ABCA8: variants seen among roughly 807,000 people sequenced by gnomAD.
The protein encoded by ABCA8 is ATP binding cassette subfamily A member 8, also known as ABC-type organic anion transporter ABCA8.
Under a neutral mutation model 192.3 loss-of-function variants are expected in ABCA8, and 177 were observed. That is an observed-to-expected ratio of 0.92 (90% CI 0.81 to 1.04). The LOEUF (loss-of-function observed/expected upper bound fraction) is 1.04. Among genes scored for constraint, ABCA8 ranks in the 50% least tolerant of loss-of-function variants. The probability of loss-of-function intolerance (pLI) is 0.00; values close to 1 mark genes in which losing one functional copy is unlikely to be tolerated. For synonymous variants in ABCA8, 642 were observed against 690.2 expected (o/e 0.93, Z 1.09); for missense variants, 1,915 against 1,904.8 (o/e 1.01, Z -0.10).
chr17:68,904,268 C>G (rs7210022), intron 19 of ABCA8, among the ~76,000 whole-genome samples: 123,216 of 148,676 alleles, frequency 0.83, 51,684 homozygotes, highest in East Asian at 1. Flanking sequence ...GGTGACAGAG[C>G]GAGACTCCAT....
intron 32 of ABCA8, chr17:68,880,762 A>C (rs2143286655): frequency 3.2e-6 from 1 of 308,834 alleles, no homozygotes. Context: ...CATCACCGCT[A>C]TGCACCTGGC....
chr17:68,898,236 A>T (rs1202279497), intron 21 of ABCA8, among the ~76,000 whole-genome samples: 1 of 152,216 alleles, frequency 6.6e-6, no homozygotes, highest in African/African-American at 2.4e-5. Context: ...TAGCTTTCAA[A>T]GATGAAGGTG....
Position 68,932,496 on chromosome 17 carries a change from C to T in ABCA8, c.589G>A (p.Val197Met), listed in dbSNP as rs768909279. ...GTAACTGACATCAGCTCCTCCATCACTGAGTGATTTGTTGTGATCTGAAGA... is the reference window on the plus strand; with the variant it reads ...GTAACTGACATCAGCTCCTCCATCATTGAGTGATTTGTTGTGATCTGAAGA... ...AIIEITTNHS[V>M]MEELMSVTGK... is the part of the protein sequence containing the mutation. The change falls in exon 7 of 40, where the codon GTG becomes ATG. Residue 197 changes from valine to methionine, a missense_variant. Val to Met is a conservative substitution (Grantham distance 21). Transcript: ENST00000586539. The T allele has an allele frequency of 5.6e-6, 9 of 1,613,150 alleles. No homozygotes were observed. In the Admixed American group the frequency reaches 6.7e-5, roughly 12 times the overall value.
intron 32 of ABCA8, 68 bp downstream of exon 32, chr17:68,881,052 T>C: frequency 1.8e-6 from 2 of 1,117,572 alleles, no homozygotes; most frequent in Middle Eastern, 2.7e-4. Flanking sequence ...TCTGTTGTTT[T>C]TAAGGTCATC....
intron 38 of ABCA8, 33 bp downstream of exon 38, chr17:68,869,667 T>C: frequency 7.3e-7 from 1 of 1,375,598 alleles, no homozygotes; most frequent in South Asian, 1.2e-5. Flanking sequence ...TTATCTTCTT[T>C]CCAGGGTCGT....
chr17:68,890,511 T>A (rs1477626721), intron 24 of ABCA8, among the ~76,000 whole-genome samples: 2 of 152,166 alleles, frequency 1.3e-5, no homozygotes, highest in African/African-American at 4.8e-5. Flanking sequence ...ATTTTATTTT[T>A]AAATTATTTA....
intron 13 of ABCA8, chr17:68,919,901 A>G: frequency 6.5e-6 from 1 of 154,234 alleles, no homozygotes; most frequent in Non-Finnish European, 1.4e-5. Context: ...GAGTGAGGCC[A>G]TGTTAAATCA....
In ABCA8 at chr17:68,929,665, T is replaced by C. The variant is rs2067804504; in HGVS notation, c.835A>G (p.Ile279Val). The change falls in exon 8 of 40, where the codon ATT (isoleucine) becomes GTT (valine). Residue 279 changes from isoleucine (I) to valine (V), a missense_variant. By Grantham distance (29) the Ile-to-Val change is conservative (BLOSUM62 3). Coordinates refer to ENST00000586539, the MANE Select transcript of ABCA8 (RefSeq NM_001288985.2). ...WGLLYAGFIF[I>V]MALFLALVIR... ...ACAAGTGCCAAGAAAAGGGCCATAATGAAGATGAAACCAGCATAGAGCAAA... is the reference window on the plus strand; with the variant it reads ...ACAAGTGCCAAGAAAAGGGCCATAACGAAGATGAAACCAGCATAGAGCAAA... 1 of 1,613,720 alleles carries C rather than the reference T, an allele frequency of 6.2e-7. No individual in the cohort carries two copies. The highest frequency in any genetic ancestry group is 8.5e-7 in the Non-Finnish European group (1 of 1,179,796).
In ABCA8 at chr17:68,906,015, A is replaced by G. The variant is rs771567514; in HGVS notation, c.2398+29T>C. On this transcript the variant is annotated intron_variant, in intron 19 of 39. Coordinates refer to ENST00000586539, the MANE Select transcript of ABCA8 (RefSeq NM_001288985.2). The stretch of plus-strand genomic sequence containing the variant: ...GTGTGTTCTTGAAATATGTGCTTTT[A>G]CATAATAATTTTCATGCATTTTATT... 3.3e-6 allele frequency: 5 copies of G among 1,534,886 alleles called. No individual in the cohort carries two copies. In the South Asian group the frequency reaches 6.4e-5, roughly 20 times the overall value.
At position 68,941,045 on chromosome 17, in the gene ABCA8, T is replaced by A. The variant is rs1029860793; in HGVS notation, c.97-83A>T. On this transcript the variant is annotated intron_variant, in intron 3 of 39. Coordinates refer to ENST00000586539, the MANE Select transcript of ABCA8 (RefSeq NM_001288985.2). Reference sequence around the variant, plus strand: ...ATCATTTTGTCATAAAGTTTGCCTCTTTTTTACTTTTCTAACTTCAATATA... The same window carrying A: ...ATCATTTTGTCATAAAGTTTGCCTCATTTTTACTTTTCTAACTTCAATATA... 3.5e-5 allele frequency: 39 copies of A among 1,116,506 alleles called. 1 individual carries two copies. In the Admixed American group the frequency reaches 8.2e-4, roughly 24 times the overall value. The allele number at this position is 1,116,506 out of a possible 1,614,324, so 69.2% of individuals were successfully genotyped here.
chr17:68,881,993 A>G lies in ABCA8; in HGVS notation c.3829-13T>C. On this transcript the variant is annotated splice_polypyrimidine_tract_variant and intron_variant, in intron 30 of 39. Coordinates refer to ENST00000586539, the MANE Select transcript of ABCA8 (RefSeq NM_001288985.2). The stretch of plus-strand genomic sequence containing the variant: ...TGATGACTGGCTTCTGTAAATGACA[A>G]GAAGTTATTATGTCAGACCTTAATT... The G allele has an allele frequency of 1.2e-6, 2 of 1,601,440 alleles. No individual in the cohort carries two copies. Among genetic ancestry groups the G allele is most frequent in the Non-Finnish European group, 1.7e-6 (2 of 1,168,758 alleles).
chr17:68,921,018 C>T (rs1470374003), intron 13 of ABCA8, among the ~76,000 whole-genome samples: 1 of 152,046 alleles, frequency 6.6e-6, no homozygotes, highest in East Asian at 1.9e-4. Context: ...TACTATGCAG[C>T]CATAAAAAAT....
At chr17:68,905,795 A>C (rs2067050214) in intron 19 of ABCA8, among the ~76,000 whole-genome samples, 1 of 152,234 alleles carries the variant, frequency 6.6e-6, no homozygotes, top group East Asian at 1.9e-4. Flanking sequence ...TTTATGATTT[A>C]GAATAAATGT....
At chr17:68,908,758 A>G (rs918472217) in intron 17 of ABCA8, among the ~76,000 whole-genome samples, 7 of 152,220 alleles carry the variant, frequency 4.6e-5, no homozygotes, top group South Asian at 2.1e-4. Context: ...CAGTGGGCAA[A>G]ATATCAGTAG....
At chr17:68,952,343 C>A (rs113934546) in intron 1 of ABCA8, among the ~76,000 whole-genome samples, 1 of 152,030 alleles carries the variant, frequency 6.6e-6, no homozygotes, top group Non-Finnish European at 1.5e-5. Flanking sequence ...CTCAGCCTCC[C>A]GAGTAGCTGG....
intron 24 of ABCA8, among the ~76,000 whole-genome samples, chr17:68,887,771 A>ACAGTGATTT (rs2066502588): frequency 6.6e-6 from 1 of 150,766 alleles, no homozygotes; most frequent in Admixed American, 6.6e-5. Flanking sequence ...AGCAAACAAA[A>ACAGTGATTT]CAGTGATTTA....
chr17:68,869,873 A>ATTTTTT, intron 37 of ABCA8, 94 bp from the exon 38 acceptor site: 5 of 884,076 alleles, frequency 5.7e-6, no homozygotes, highest in East Asian at 4.8e-5. Context: ...TTCTTTTAAA[A>ATTTTTT]AATGGTGTTA....
At chr17:68,950,921 C>T (rs527547092) in intron 1 of ABCA8, among the ~76,000 whole-genome samples, 2 of 152,194 alleles carry the variant, frequency 1.3e-5, no homozygotes, top group East Asian at 1.9e-4. Flanking sequence ...GGTGTGATGT[C>T]GCACCAGTTC....
chr17:68,915,827 G>A (rs536988138), intron 17 of ABCA8, among the ~76,000 whole-genome samples: 23 of 152,154 alleles, frequency 1.5e-4, no homozygotes, highest in African/African-American at 5.1e-4. Flanking sequence ...CTGCACTCTC[G>A]TGTTTATTGA....
Sources: gnomAD v4.1 joint callset for allele counts (sites outside exome capture counted in the v4.1 genomes callset) on GRCh38, gnomAD v4.1.1 for gene constraint, MANE v1.5 for transcripts, NCBI Gene and HGNC (gene_info 2026-07-23, HGNC 2026-07-21) for gene names.